GBF1: variants seen among roughly 807,000 people sequenced by gnomAD.
GBF1 encodes golgi brefeldin A resistant guanine nucleotide exchange factor 1.
A neutral mutation model predicts 210.5 loss-of-function variants in GBF1; 114 were observed. The ratio of observed to expected loss-of-function variants is 0.54; its 90% CI spans 0.47 to 0.63. The LOEUF (loss-of-function observed/expected upper bound fraction) is 0.63. Ranked by LOEUF, GBF1 falls within the 30% of genes least tolerant of loss-of-function variation. GBF1 has a pLI of 0.00. For missense variants in GBF1, 1,851 were observed against 2,357.7 expected, an observed-to-expected ratio of 0.79 and a Z score of 4.45; for synonymous variants, 850 against 889.2, an observed-to-expected ratio of 0.96 and a Z score of 0.78.
At chr10:102,360,463 C>A in intron 12 of GBF1, 68 bp downstream of exon 12, 1 of 1,048,898 alleles carries the variant, frequency 9.5e-7, no homozygotes, top group Non-Finnish European at 1.5e-6. Context: ...GGAGGTCTGG[C>A]TGATTACGCA....
At chr10:102,230,975 C>A in the GBF1 span, 3 of 1,606,898 alleles carry the variant, frequency 1.9e-6, no homozygotes, top group Non-Finnish European at 1.7e-6. Flanking sequence ...TACGAGTAGC[C>A]GGGGTACACC....
chr10:102,361,112 C>G lies in GBF1; in HGVS notation c.1483C>G (p.Gln495Glu). The G allele has an allele frequency of 1.9e-6, 3 of 1,545,772 alleles. No homozygotes were observed. The highest frequency in any genetic ancestry group is 2.7e-6 in the Non-Finnish European group (3 of 1,117,634). Residue 495 changes from glutamine (Q) to glutamate (E), a missense_variant, in exon 13 of 40, where the codon CAA (glutamine) becomes GAA (glutamate). Gln to Glu is a conservative substitution (Grantham distance 29). This residue lies in a region of GBF1 where 804 missense variants were observed against 958.6 expected (regional missense o/e 0.84). Transcript: ENST00000369983. ...GAGCATGCGAGAGCACCTCAAGTTC[C>G]AAATGGAGGTGAGTTTCTTGATGTG... ...FESMREHLKF[Q>E]MEMYIKKLME...
At chr10:102,376,137 CTGGTGACAGAAA>C in intron 30 of GBF1, 123 bp from the exon 31 acceptor site, 1 of 672,956 alleles carries the variant, frequency 1.5e-6, no homozygotes, top group Admixed American at 2.8e-5. Flanking sequence ...CTTTGGCCCT[CTGGTGACAGAAA>C]TTAAACTATG....
chr10:102,273,397 T>C (rs1329255625), intron 3 of GBF1, among the ~76,000 whole-genome samples: 5 of 152,190 alleles, frequency 3.3e-5, no homozygotes, highest in African/African-American at 1.2e-4. Context: ...TTAAGAAAGA[T>C]AAGTATTGTT....
chr10:102,299,303 C>T (rs1274748527), intron 3 of GBF1, among the ~76,000 whole-genome samples: 1 of 151,996 alleles, frequency 6.6e-6, no homozygotes, highest in Non-Finnish European at 1.5e-5. Flanking sequence ...GCATGATTGC[C>T]AGGGGTTGGT....
At chr10:102,316,958 AT>A (rs958098115) in intron 3 of GBF1, among the ~76,000 whole-genome samples, 1 of 152,214 alleles carries the variant, frequency 6.6e-6, no homozygotes, top group African/African-American at 2.4e-5. Context: ...AAATTCCCTA[AT>A]AATGGGAGAT....
At chr10:102,362,417 G>T in intron 14 of GBF1, 58 bp from the exon 15 acceptor site, 2 of 1,250,898 alleles carry the variant, frequency 1.6e-6, no homozygotes, top group South Asian at 1.4e-5. Context: ...TTTAGAAAAT[G>T]ATCAAAGTGT....
intron 3 of GBF1, among the ~76,000 whole-genome samples, chr10:102,271,095 T>C (rs2074370169): frequency 6.6e-6 from 1 of 152,066 alleles, no homozygotes; most frequent in South Asian, 2.1e-4. Context: ...TGGACTGCAG[T>C]GGCGCTATCT....
intron 3 of GBF1, among the ~76,000 whole-genome samples, chr10:102,314,020 A>G (rs114765542): frequency 0.019 from 2,958 of 152,242 alleles, 99 homozygotes; most frequent in African/African-American, 0.068. Flanking sequence ...AACAGGGATT[A>G]TAAGTAATCC....
chr10:102,321,126 T>C (rs1424475826), intron 3 of GBF1, among the ~76,000 whole-genome samples: 6 of 152,274 alleles, frequency 3.9e-5, no homozygotes, highest in Non-Finnish European at 7.4e-5. Flanking sequence ...TCTGAACACC[T>C]TGTATTTCTT....
At chr10:102,338,768 G>GAT (rs2057958692) in intron 3 of GBF1, among the ~76,000 whole-genome samples, 1 of 151,552 alleles carries the variant, frequency 6.6e-6, no homozygotes, top group Admixed American at 6.6e-5. Flanking sequence ...CAAACATGGA[G>GAT]ATACCCCGTC....
intron 36 of GBF1, 127 bp downstream of exon 36, chr10:102,380,081 T>G (rs1167165073): frequency 1.4e-6 from 1 of 738,882 alleles, no homozygotes; most frequent in African/African-American, 1.7e-5. Flanking sequence ...CTATGGACAC[T>G]AAGCAGGACC....
At position 102,363,689 on chromosome 10, in the gene GBF1, C is replaced by T. The variant is rs1172681753; in HGVS notation, c.2018-21C>T. ...AAAAAAGGTGTTACAGATATTTCCC[C>T]CCTCTTCTTCCTACTCCTAGCTGAC... On this transcript the variant is annotated intron_variant, in intron 16 of 39. Coordinates refer to ENST00000369983, the MANE Select transcript of GBF1 (RefSeq NM_001377137.1). This position sits in a 1 kb window ranked among gnomAD's most constrained non-coding sequence, Gnocchi z 4.2. 6.6e-7 allele frequency: 1 copy of T among 1,516,394 alleles called. No individual in the cohort carries two copies. The highest frequency in any genetic ancestry group is 9.2e-7 in the Non-Finnish European group (1 of 1,090,976). The allele number at this position is 1,516,394 out of a possible 1,614,324, so 93.9% of individuals were successfully genotyped here.
At chr10:102,250,842 A>G (rs1264208980) in intron 1 of GBF1, among the ~76,000 whole-genome samples, 1 of 152,152 alleles carries the variant, frequency 6.6e-6, no homozygotes, top group East Asian at 1.9e-4. Context: ...CTGTAATCCC[A>G]GCTACTCGGG....
At chr10:102,292,467 A>G (rs1160867027) in intron 3 of GBF1, among the ~76,000 whole-genome samples, 3 of 152,204 alleles carry the variant, frequency 2.0e-5, no homozygotes, top group Non-Finnish European at 2.9e-5. Flanking sequence ...CCTGGGTTCA[A>G]GCAATTCTGC....
chr10:102,288,251 T>C (rs1387483633), intron 3 of GBF1, among the ~76,000 whole-genome samples: 2 of 152,214 alleles, frequency 1.3e-5, no homozygotes, highest in Admixed American at 6.5e-5. Flanking sequence ...TATTTACTAC[T>C]GATCCTCTAA....
At chr10:102,382,024 A>C (rs771137816) in intron 39 of GBF1, 32 bp from the exon 40 acceptor site, 98 of 1,514,750 alleles carry the variant, frequency 6.5e-5, no homozygotes, top group Non-Finnish European at 8.6e-5. Flanking sequence ...CAACAAGGGA[A>C]TCTGACTGTA....
chr10:102,305,175 T>TTGTGTGTGTGTGTGTG (rs60026956), intron 3 of GBF1, among the ~76,000 whole-genome samples: 1 of 139,660 alleles, frequency 7.2e-6, no homozygotes, highest in African/African-American at 2.7e-5. Context: ...ATATGCAGAT[T>TTGTGTGTGTGTGTGTG]TGTGTGTGTG....
chr10:102,232,069 G>T, the GBF1 span: 2 of 1,598,212 alleles, frequency 1.3e-6, no homozygotes, highest in Non-Finnish European at 1.7e-6. Flanking sequence ...CGCTGAGCAG[G>T]CCGAACTCCA....
Sources: gnomAD v4.1 joint callset for allele counts (sites outside exome capture counted in the v4.1 genomes callset) on GRCh38, gnomAD v4.1.1 for gene constraint, gnomAD v4.1.1 regional missense constraint, Gnocchi (gnomAD v3.1) non-coding constraint, MANE v1.5 for transcripts, NCBI Gene and HGNC (gene_info 2026-07-23, HGNC 2026-07-21) for gene names.